TREM2: variants seen among roughly 807,000 people sequenced by gnomAD.
TREM2 encodes the protein triggering receptor expressed on monocytes 2.
TREM2 carries 20 observed loss-of-function variants against 22.9 expected under a neutral mutation model. The observed-to-expected ratio is 0.87, with a 90% confidence interval of 0.61 to 1.27. TREM2 has a LOEUF of 1.27. Ranked by LOEUF, TREM2 falls within the 50% of genes most tolerant of loss-of-function variation. The probability of loss-of-function intolerance (pLI) is 0.00; values close to 1 mark genes in which losing one functional copy is unlikely to be tolerated. For synonymous variants in TREM2, 111 were observed against 120.9 expected (o/e 0.92, Z 0.54); for missense variants, 267 against 289.0 (o/e 0.92, Z 0.55).
At chr6:41,161,730 A>C (rs930458671) in intron 1 of TREM2, 117 bp from the exon 2 acceptor site, 1 of 878,666 alleles carries the variant, frequency 1.1e-6, no homozygotes, top group Non-Finnish European at 1.8e-6. Flanking sequence ...GTTCTTATAC[A>C]AGTTGGGAGC....
At chr6:41,160,160 G>A (rs750584175) in intron 2 of TREM2, among the ~76,000 whole-genome samples, 8 of 152,130 alleles carry the variant, frequency 5.3e-5, no homozygotes, top group East Asian at 3.9e-4. Context: ...CCCTCCTTCC[G>A]CACAGGGGCT....
intron 2 of TREM2, among the ~76,000 whole-genome samples, chr6:41,160,357 C>A (rs553142056): frequency 6.6e-6 from 1 of 152,190 alleles, no homozygotes; most frequent in East Asian, 1.9e-4. Flanking sequence ...CTGGCAGTCT[C>A]CCCTGGCCTC....
intron 3 of TREM2, among the ~76,000 whole-genome samples, chr6:41,159,336 G>T (rs1465779993): frequency 1.3e-5 from 2 of 151,966 alleles, no homozygotes; most frequent in Non-Finnish European, 2.9e-5. Flanking sequence ...CTATGCCATG[G>T]GTGTGTGTGT....
Position 41,163,091 on chromosome 6 carries a change from T to C in TREM2, c.-9A>G, listed in dbSNP as rs1765608599. On this transcript the variant is annotated 5_prime_UTR_variant, in exon 1 of 5. Coordinates refer to ENST00000373113, the MANE Select transcript of TREM2 (RefSeq NM_018965.4). Reference sequence around the variant, plus strand: ...AGCCGGAGAGGCTCCATGCCACCCTTCCCCAGCCAAGGGCAGAAGCAGAGT... The same window carrying C: ...AGCCGGAGAGGCTCCATGCCACCCTCCCCCAGCCAAGGGCAGAAGCAGAGT... The C allele has an allele frequency of 6.2e-7, 1 of 1,613,888 alleles. No individual in the cohort carries two copies. Among genetic ancestry groups the C allele is most frequent in the Non-Finnish European group, 8.5e-7 (1 of 1,179,950 alleles).
In TREM2 at chr6:41,158,539, TGTAA is replaced by T; in HGVS notation, c.*221_*224del. 2 of 1,463,220 alleles carry T rather than the reference TGTAA, an allele frequency of 1.4e-6. No homozygotes were observed. The highest frequency in any genetic ancestry group is 2.6e-5 in the South Asian group (2 of 78,188). 90.6% of individuals were successfully genotyped at this position (1,463,220 alleles called of 1,614,324 possible). ...TAAATATGACAGTCTTGGATTTATT[TGTAA>T]GTGTTTAAAATGTCCAATATTCAGA... is the stretch of plus-strand genomic sequence containing the variant. On this transcript the variant is annotated 3_prime_UTR_variant, in exon 5 of 5. Transcript: ENST00000373113.
intron 3 of TREM2, 56 bp downstream of exon 3, chr6:41,159,736 G>T: frequency 6.5e-7 from 1 of 1,533,550 alleles, no homozygotes; most frequent in Non-Finnish European, 9.0e-7. Flanking sequence ...CACCCCCGTG[G>T]GGCTCTGCAG....
In TREM2 at chr6:41,161,509, C is replaced by G; in HGVS notation, c.145G>C (p.Ala49Pro). The G allele has an allele frequency of 1.2e-6, 2 of 1,614,232 alleles. No individual in the cohort carries two copies. The highest frequency in any genetic ancestry group is 1.3e-5 in the African/African-American group (1 of 75,066). ...DSMKHWGRRK[A>P]WCRQLGEKGP... ...TTCTCTCCCAGCTGGCGGCACCAGG[C>G]CTTGCGCCTCCCCCAGTGCTTCATG... The change falls in exon 2 of 5, where the codon GCC becomes CCC. Residue 49 changes from alanine to proline, a missense_variant. By Grantham distance (27) the Ala-to-Pro change is conservative. Coordinates refer to ENST00000373113, the MANE Select transcript of TREM2 (RefSeq NM_018965.4).
Position 41,161,605 on chromosome 6 carries a change from C to G in TREM2, c.49G>C (p.Gly17Arg). 6.2e-7 allele frequency: 1 copy of G among 1,613,286 alleles called. No individual in the cohort carries two copies. Among genetic ancestry groups the G allele is most frequent in the Non-Finnish European group, 8.5e-7 (1 of 1,179,700 alleles). ...LILLFVTELS[G>R]AHNTTVFQGV... The stretch of plus-strand genomic sequence containing the variant: ...TGGAACACTGTGGTGTTGTGGGCTC[C>G]GGACAGCTCTGGGGAGGAGACATTC... The change falls in exon 2 of 5, where the codon GGA becomes CGA. Residue 17 changes from glycine to arginine, a missense_variant. Coordinates refer to ENST00000373113, the MANE Select transcript of TREM2 (RefSeq NM_018965.4).
At position 41,158,806 on chromosome 6, in the gene TREM2, G is replaced by A. The variant is rs776623214; in HGVS notation, c.677-26C>T. 7 of 1,614,162 alleles carry A rather than the reference G, an allele frequency of 4.3e-6. No homozygotes were observed. In the South Asian group the frequency reaches 7.7e-5, roughly 18 times the overall value. On this transcript the variant is annotated intron_variant, in intron 4 of 4. Transcript: ENST00000373113. The stretch of plus-strand genomic sequence containing the variant: ...CTGCAATAGTCCAAGGACTCATGTG[G>A]CCCCTCTCGGCACCGCCTCCCATCC...
Position 41,161,396 on chromosome 6 carries a change from G to A in TREM2, c.258C>T (p.Asp86=), listed in dbSNP as rs551003505. The change falls in exon 2 of 5, where the codon GAC becomes GAT. Residue 86 remains aspartate (D), a synonymous_variant. Transcript: ENST00000373113. The part of the protein sequence containing the change: ...RRWNGSTAIT[D]DTLGGTLTIT... ...TGGTGAGAGTGCCACCCAGGGTATCGTCTGTGATGGCTGTGCTCCCATTCC... is the reference window on the plus strand; with the variant it reads ...TGGTGAGAGTGCCACCCAGGGTATCATCTGTGATGGCTGTGCTCCCATTCC... The A allele has an allele frequency of 3.5e-5, 56 of 1,614,238 alleles. No homozygotes were observed. The highest frequency in any genetic ancestry group is 2.7e-4 in the East Asian group (12 of 44,888).
chr6:41,160,802 G>A (rs556061550), intron 2 of TREM2, among the ~76,000 whole-genome samples: 2 of 152,310 alleles, frequency 1.3e-5, no homozygotes, highest in South Asian at 4.1e-4. Flanking sequence ...TTCCTTTCTA[G>A]GGGTGATTTT....
In TREM2 at chr6:41,161,323, G is replaced by T. The variant is rs755641572; in HGVS notation, c.331C>A (p.Gln111Lys). The T allele has an allele frequency of 1.2e-6, 2 of 1,614,108 alleles. No homozygotes were observed. Among genetic ancestry groups the T allele is most frequent in the East Asian group, 4.5e-5 (2 of 44,904 alleles). Residue 111 changes from glutamine (Q) to lysine (K), a missense_variant, in exon 2 of 5, where the codon CAG becomes AAG. Transcript: ENST00000373113. ...TCAGCCTCACTGCCATGGAGGCTCT[G>T]GCACTGGTAGAGACCCGCATCATGG... ...QPHDAGLYQC[Q>K]SLHGSEADTL...
chr6:41,158,705 G>T lies in TREM2; in HGVS notation c.*59C>A, dbSNP rs1233234462. On this transcript the variant is annotated 3_prime_UTR_variant, in exon 5 of 5. Coordinates refer to ENST00000373113, the MANE Select transcript of TREM2 (RefSeq NM_018965.4). Reference sequence around the variant, plus strand: ...GTCCTGGTGGCCAAGTGGCAAGTATGCAGGCTGGGCTGGTCCCTGGTGGGA... The same window carrying T: ...GTCCTGGTGGCCAAGTGGCAAGTATTCAGGCTGGGCTGGTCCCTGGTGGGA... 1 of 1,614,060 alleles carries T rather than the reference G, an allele frequency of 6.2e-7. No individual in the cohort carries two copies. The highest frequency in any genetic ancestry group is 2.2e-5 in the East Asian group (1 of 44,902).
In TREM2 at chr6:41,158,657, C is replaced by T. The variant is rs530314472; in HGVS notation, c.*107G>A. On this transcript the variant is annotated 3_prime_UTR_variant, in exon 5 of 5. Transcript: ENST00000373113. ...AGAAGCAGTGTTCAGGCAGAGTAGT[C>T]TCTTGCCAGAGCAGAACAAGGAGTC... is the stretch of plus-strand genomic sequence containing the variant. The T allele has an allele frequency of 4.4e-6, 7 of 1,608,114 alleles. No homozygotes were observed. In the Admixed American group the frequency reaches 1.0e-4, roughly 23 times the overall value.
In TREM2 at chr6:41,159,253, C is replaced by T. The variant is rs189592598; in HGVS notation, c.483-187G>A. 1.6e-3 allele frequency: 1,075 copies of T among 692,298 alleles called. 15 individuals carry two copies. The Admixed American group carries it at 0.021, about 13-fold the overall frequency. 42.9% of individuals were successfully genotyped at this position (692,298 alleles called of 1,614,324 possible). A position where few individuals can be genotyped will look rare whatever the true frequency, so the allele number is the denominator to read the frequency against. ...AAGAGACTTGAGTTCTAGGCATGCT[C>T]TGCCACTAACCTGCTGAGTGCACTT... On this transcript the variant is annotated intron_variant, in intron 3 of 4. Transcript: ENST00000373113.
chr6:41,159,420 G>C lies in TREM2; in HGVS notation c.483-354C>G, dbSNP rs185963158. 2.4e-3 allele frequency among the ~76,000 whole-genome samples: 371 copies of C among 152,274 alleles called. 2 individuals carry two copies. The highest frequency in any genetic ancestry group is 8.5e-3 in the African/African-American group (354 of 41,542). On this transcript the variant is annotated intron_variant, in intron 3 of 4. Coordinates refer to ENST00000373113, the MANE Select transcript of TREM2 (RefSeq NM_018965.4). ...CATGGACCAGTCAGAACTGATTCTG[G>C]TCCTACCAATGAAGCAGAGATCTGG...
At position 41,158,934 on chromosome 6, in the gene TREM2, T is replaced by C. The variant is rs1179905275; in HGVS notation, c.615A>G (p.Thr205=). The C allele has an allele frequency of 8.1e-6, 13 of 1,614,230 alleles. No homozygotes were observed. The highest frequency in any genetic ancestry group is 1.1e-5 in the Non-Finnish European group (13 of 1,180,036). ...CACAGTCCAGTTCACTGGGTGGATG[T>C]GTCCCTGGCTTCTGTCCATGCCAGG... ...AAAWHGQKPG[T]HPPSELDCGH... is the part of the protein sequence containing the mutation. Residue 205 remains threonine (T), a synonymous_variant, in exon 4 of 5, where the codon ACA becomes ACG. Coordinates refer to ENST00000373113, the MANE Select transcript of TREM2 (RefSeq NM_018965.4).
At chr6:41,162,570 A>G (rs1016769736) in intron 1 of TREM2, among the ~76,000 whole-genome samples, 4 of 152,188 alleles carry the variant, frequency 2.6e-5, no homozygotes, top group Non-Finnish European at 5.9e-5. Flanking sequence ...CTCACCTCCC[A>G]TCAAGAGCTG....
chr6:41,162,926 A>C, intron 1 of TREM2, 117 bp downstream of exon 1: 1 of 1,338,540 alleles, frequency 7.5e-7, no homozygotes, highest in Non-Finnish European at 1.1e-6. Context: ...CAGGGCACTC[A>C]GGCATGCGAG....
Sources: allele counts gnomAD v4.1 joint callset (sites outside exome capture counted in the v4.1 genomes callset), GRCh38; gene constraint gnomAD v4.1.1; transcripts MANE v1.5; gene names NCBI Gene and HGNC (gene_info 2026-07-23, HGNC 2026-07-21).